The following WDR41 variants were observed in gnomAD, a reference collection of about 807,000 sequenced individuals.
WDR41 encodes WD repeat-containing protein 41.
WDR41 carries 63 observed loss-of-function variants against 69.3 expected under a neutral mutation model. The ratio of observed to expected loss-of-function variants is 0.91; its 90% CI spans 0.74 to 1.12. The LOEUF (loss-of-function observed/expected upper bound fraction) is 1.12. Among genes scored for constraint, WDR41 ranks in the 50% most tolerant of loss-of-function variants. The probability of loss-of-function intolerance (pLI) is 0.00; values close to 1 mark genes in which losing one functional copy is unlikely to be tolerated. For synonymous variants in WDR41, 185 were observed against 192.1 expected (o/e 0.96, Z 0.31); for missense variants, 543 against 534.5 (o/e 1.02, Z -0.16).
chr5:77,455,410 A>G (rs576096237), intron 5 of WDR41, among the ~76,000 whole-genome samples: 1 of 152,286 alleles, frequency 6.6e-6, no homozygotes, highest in African/African-American at 2.4e-5. Context: ...ATTTTCTCCA[A>G]TTCTGTATGT....
At chr5:77,535,752 AG>A (rs1742961507) in intron 1 of WDR41, among the ~76,000 whole-genome samples, 1 of 152,158 alleles carries the variant, frequency 6.6e-6, no homozygotes, top group Non-Finnish European at 1.5e-5. Flanking sequence ...CCAGATGACA[AG>A]ACGAAATTGC....
At chr5:77,529,728 A>T (rs942876918) in intron 1 of WDR41, among the ~76,000 whole-genome samples, 2 of 151,600 alleles carry the variant, frequency 1.3e-5, no homozygotes, top group African/African-American at 2.4e-5. Flanking sequence ...ATAAATGAAT[A>T]CATGGTTTAT....
chr5:77,479,460 G>C (rs443257), intron 2 of WDR41, among the ~76,000 whole-genome samples: 76,713 of 151,690 alleles, frequency 0.51, 20,183 homozygotes, highest in African/African-American at 0.64. Context: ...GCATGGTACT[G>C]GTACCAAAAC....
intron 1 of WDR41, among the ~76,000 whole-genome samples, chr5:77,558,991 A>G (rs1743466325): frequency 6.6e-6 from 1 of 152,238 alleles, no homozygotes; most frequent in Non-Finnish European, 1.5e-5. Context: ...AGGGAATCAA[A>G]TATACATTTC....
At chr5:77,591,542 A>G (rs1053790606) in intron 1 of WDR41, among the ~76,000 whole-genome samples, 19 of 152,096 alleles carry the variant, frequency 1.2e-4, no homozygotes, top group Non-Finnish European at 2.5e-4. Context: ...TAGAGCTGTA[A>G]GCATCCCATT....
intron 3 of WDR41, 135 bp from the exon 4 acceptor site, chr5:77,463,361 T>A: frequency 1.3e-6 from 1 of 741,850 alleles, no homozygotes; most frequent in Non-Finnish European, 1.9e-6. Flanking sequence ...GAATTTAACT[T>A]AAGCAATCAC....
At chr5:77,579,639 T>C (rs6453333) in intron 1 of WDR41, among the ~76,000 whole-genome samples, 15,692 of 152,222 alleles carry the variant, frequency 0.1, 1,701 homozygotes, top group East Asian at 0.26. Flanking sequence ...CTGAGAAAAT[T>C]TGTTACTAGC....
chr5:77,433,340 C>G (rs1314540210), intron 12 of WDR41, 53 bp from the exon 13 acceptor site: 6 of 1,542,656 alleles, frequency 3.9e-6, no homozygotes, highest in African/African-American at 1.4e-5. Flanking sequence ...AGAGAAGTGT[C>G]TAATACCACA....
intron 1 of WDR41, among the ~76,000 whole-genome samples, chr5:77,617,368 T>C (rs563030238): frequency 1.3e-5 from 2 of 152,004 alleles, no homozygotes; most frequent in South Asian, 2.1e-4. Flanking sequence ...TTAAAATAAT[T>C]TTCTGTCTCT....
chr5:77,477,386 A>G (rs1259440115), intron 2 of WDR41, among the ~76,000 whole-genome samples: 42 of 128,170 alleles, frequency 3.3e-4, no homozygotes, highest in African/African-American at 1.5e-3. Context: ...TTTCAGCACC[A>G]CACCACACCT....
At chr5:77,595,597 GTTATACTTCA>G (rs1561234528) in intron 1 of WDR41, among the ~76,000 whole-genome samples, 1 of 152,068 alleles carries the variant, frequency 6.6e-6, no homozygotes, top group Non-Finnish European at 1.5e-5. Flanking sequence ...ATTGTAAGTG[GTTATACTTCA>G]TTGCAAGATA....
At chr5:77,620,008 C>T (rs866552651) in intron 1 of WDR41, among the ~76,000 whole-genome samples, 12 of 151,664 alleles carry the variant, frequency 7.9e-5, no homozygotes, top group Middle Eastern at 6.8e-3. Context: ...TGAAATATGT[C>T]CAAGAAATAA....
In WDR41 at chr5:77,506,456, A is replaced by T. The variant is rs140820935; in HGVS notation, c.43-16884T>A. ...TGTTGGTGGGAGTGTAAATTAGTTCAACCATTGTGGAAGACAGTGTGGCGA... is the reference window on the plus strand; with the variant it reads ...TGTTGGTGGGAGTGTAAATTAGTTCTACCATTGTGGAAGACAGTGTGGCGA... On this transcript the variant is annotated intron_variant, in intron 1 of 5. Transcript: ENST00000509971. Among the ~76,000 whole-genome samples the T allele has an allele frequency of 8.7e-4, 132 of 152,354 alleles. 1 individual carries two copies. In the East Asian group the frequency reaches 0.024, roughly 27 times the overall value.
At chr5:77,527,907 G>T (rs943882495) in intron 1 of WDR41, among the ~76,000 whole-genome samples, 1 of 151,634 alleles carries the variant, frequency 6.6e-6, no homozygotes, top group African/African-American at 2.4e-5. Context: ...AACTTGTAAG[G>T]CGTAGTTTAA....
At chr5:77,471,764 C>T (rs565129411) in intron 2 of WDR41, among the ~76,000 whole-genome samples, 1 of 152,066 alleles carries the variant, frequency 6.6e-6, no homozygotes, top group Non-Finnish European at 1.5e-5. Context: ...ATAACAGGAT[C>T]TGAAATTGAC....
chr5:77,620,492 C>T (rs767375649), exon 1 of WDR41: 1 of 409,680 alleles, frequency 2.4e-6, no homozygotes, highest in South Asian at 1.6e-5. Flanking sequence ...ACCAGTTTCC[C>T]CTGGACTTGA....
chr5:77,483,481 CGTGTGTGTGT>C (rs35574463), intron 2 of WDR41, among the ~76,000 whole-genome samples: 13,216 of 143,362 alleles, frequency 0.092, 980 homozygotes, highest in South Asian at 0.21. Context: ...CCTGAATACT[CGTGTGTGTGT>C]GTGTGTGTGT....
chr5:77,521,171 G>A (rs1182453334), intron 1 of WDR41, among the ~76,000 whole-genome samples: 2 of 152,216 alleles, frequency 1.3e-5, no homozygotes, highest in Non-Finnish European at 2.9e-5. Flanking sequence ...TGCTGGGGGT[G>A]GGTGGGGGAT....
intron 1 of WDR41, among the ~76,000 whole-genome samples, chr5:77,526,011 A>C (rs1318863408): frequency 6.6e-6 from 1 of 152,182 alleles, no homozygotes; most frequent in Non-Finnish European, 1.5e-5. Context: ...ATCCATCATG[A>C]AAATATTTAA....
Sources: gnomAD v4.1 joint callset for allele counts (sites outside exome capture counted in the v4.1 genomes callset) on GRCh38, gnomAD v4.1.1 for gene constraint, MANE v1.5 for transcripts, NCBI Gene and HGNC (gene_info 2026-07-23, HGNC 2026-07-21) for gene names.